Variants in PLXNA4 observed in about 807,000 individuals in gnomAD.
PLXNA4 encodes plexin A4.
Under a neutral mutation model 191.8 loss-of-function variants are expected in PLXNA4, and 44 were observed. That is an observed-to-expected ratio of 0.23 (90% confidence interval 0.18 to 0.29). The LOEUF is 0.29. PLXNA4 is among the 10% of genes least tolerant of loss of function. The pLI is 1.00. For synonymous variants in PLXNA4, 1,082 were observed against 1,009.5 expected (o/e 1.07, Z -1.36); for missense variants, 1,800 against 2,488.8 (o/e 0.72, Z 5.89).
chr7:132,576,273 GGATCTGTGTGTGT>G lies in PLXNA4; in HGVS notation c.-87+136_-87+148del. 1.9e-6 allele frequency: 1 copy of G among 519,676 alleles called. No individual in the cohort carries two copies. Among genetic ancestry groups the G allele is most frequent in the Non-Finnish European group, 2.5e-6 (1 of 405,960 alleles). The allele number at this position is 519,676 out of a possible 1,614,324, so 32.2% of individuals were successfully genotyped here. The stretch of plus-strand genomic sequence containing the variant: ...GCGCGAGCGCCGTGTGTGCCGGTGT[GGATCTGTGTGTGT>G]GCCTGCGTGTGTGCGTGTGCGTGTG... On this transcript the variant is annotated intron_variant, in intron 1 of 31. Coordinates refer to ENST00000321063, the MANE Select transcript of PLXNA4 (RefSeq NM_020911.2). This position sits in a 1 kb window ranked among gnomAD's most constrained non-coding sequence, Gnocchi z 5.8.
At chr7:132,149,788 A>G (rs1289270906) in intron 25 of PLXNA4, among the ~76,000 whole-genome samples, 4 of 152,220 alleles carry the variant, frequency 2.6e-5, no homozygotes, top group South Asian at 2.1e-4. Flanking sequence ...ATTTCTTCCT[A>G]TGTCTCACAG....
chr7:132,530,438 G>A (rs1799578324), intron 1 of PLXNA4, among the ~76,000 whole-genome samples: 4 of 152,148 alleles, frequency 2.6e-5, no homozygotes, highest in Admixed American at 2.6e-4. Context: ...TTGAAAATGA[G>A]CAAATGACTT....
intron 2 of PLXNA4, among the ~76,000 whole-genome samples, chr7:132,602,718 G>C (rs1000569756): frequency 6.6e-6 from 1 of 152,164 alleles, no homozygotes; most frequent in Non-Finnish European, 1.5e-5. Context: ...AGCGAGGGAA[G>C]AGAGTACAAG....
At chr7:132,223,917 C>T (rs1798228122) in intron 8 of PLXNA4, among the ~76,000 whole-genome samples, 1 of 152,052 alleles carries the variant, frequency 6.6e-6, no homozygotes, top group Non-Finnish European at 1.5e-5. Context: ...ATAACATCCT[C>T]CTTTTCAAAA....
At chr7:132,286,746 C>T (rs912315999) in intron 4 of PLXNA4, among the ~76,000 whole-genome samples, 1 of 152,208 alleles carries the variant, frequency 6.6e-6, no homozygotes, top group Non-Finnish European at 1.5e-5. Flanking sequence ...AGGTTGGACT[C>T]AAATGGATTC....
chr7:132,399,379 C>T (rs1793893169), intron 3 of PLXNA4, among the ~76,000 whole-genome samples: 1 of 152,168 alleles, frequency 6.6e-6, no homozygotes, highest in East Asian at 1.9e-4. Flanking sequence ...TATTTTGTGC[C>T]AAGCACTGTT....
chr7:132,385,414 A>T, intron 3 of PLXNA4: 1 of 1,356,702 alleles, frequency 7.4e-7, no homozygotes, highest in Non-Finnish European at 9.7e-7. Flanking sequence ...TCTGAAATAC[A>T]GTAAATATGT....
intron 3 of PLXNA4, chr7:132,384,540 T>C: frequency 1.0e-6 from 1 of 986,452 alleles, no homozygotes; most frequent in Non-Finnish European, 1.2e-6. Flanking sequence ...ACCAATTAAC[T>C]TTTTTTGGGT....
chr7:132,137,389 T>C (rs1481390141), intron 30 of PLXNA4, among the ~76,000 whole-genome samples: 4 of 141,944 alleles, frequency 2.8e-5, no homozygotes, highest in East Asian at 1.9e-4. Context: ...TTTCAACTCT[T>C]CCAAGTTAAA....
At chr7:132,214,408 T>A (rs963666494) in intron 9 of PLXNA4, among the ~76,000 whole-genome samples, 1 of 152,162 alleles carries the variant, frequency 6.6e-6, no homozygotes, top group Non-Finnish European at 1.5e-5. Flanking sequence ...TAATAATAAC[T>A]GGAGAGGCCC....
In PLXNA4 at chr7:132,226,211, C is replaced by A; in HGVS notation, c.1932G>T (p.Met644Ile). Residue 644 changes from methionine to isoleucine, a missense_variant, in exon 8 of 32, where the codon ATG becomes ATT. This residue lies in a region of PLXNA4 where 1,397 missense variants were observed against 1,880.4 expected (regional missense o/e 0.74). Transcript: ENST00000321063. ...QLQLKSKETG[M>I]TFASTSFVFY... ...AGACAAAGCTGGTGCTGGCGAAGGT[C>A]ATGCCGGTCTCCTTTGATTTGAGCT... 2 of 1,613,960 alleles carry A rather than the reference C, an allele frequency of 1.2e-6. No individual in the cohort carries two copies. Among genetic ancestry groups the A allele is most frequent in the South Asian group, 2.2e-5 (2 of 91,044 alleles).
At position 132,508,846 on chromosome 7, in the gene PLXNA4, C is replaced by A. The variant is rs1419020338; in HGVS notation, c.-86-67G>T. The stretch of plus-strand genomic sequence containing the variant: ...GGCTTCATTTCACCCCACAGCTTGT[C>A]TGCCTGGACTTTCAAAATGTTCTGC... On this transcript the variant is annotated intron_variant, in intron 1 of 31. Transcript: ENST00000321063. This position sits in a 1 kb window ranked among gnomAD's most constrained non-coding sequence, Gnocchi z 4.4. 7.3e-7 allele frequency: 1 copy of A among 1,374,322 alleles called. No individual in the cohort carries two copies. The highest frequency in any genetic ancestry group is 2.9e-5 in the Admixed American group (1 of 34,552). 85.1% of individuals were successfully genotyped at this position (1,374,322 alleles called of 1,614,324 possible). A position where few individuals can be genotyped will look rare whatever the true frequency, so the allele number is the denominator to read the frequency against.
intron 4 of PLXNA4, among the ~76,000 whole-genome samples, chr7:132,268,006 T>C (rs1051188812): frequency 6.6e-6 from 1 of 152,196 alleles, no homozygotes; most frequent in Non-Finnish European, 1.5e-5. Context: ...GATTAGTTGG[T>C]TAATTGAATA....
intron 20 of PLXNA4, among the ~76,000 whole-genome samples, chr7:132,176,240 TCCCTGCAC>T (rs1002823659): frequency 4.6e-5 from 7 of 152,182 alleles, no homozygotes; most frequent in African/African-American, 1.4e-4. Flanking sequence ...TGCTCCTCTC[TCCCTGCAC>T]CCCTGCACCT....
chr7:132,321,688 A>G (rs759634464), intron 3 of PLXNA4, among the ~76,000 whole-genome samples: 32 of 152,216 alleles, frequency 2.1e-4, no homozygotes, highest in Admixed American at 3.9e-4. Context: ...ACGTGGACAC[A>G]TGTTAGAGTC....
intron 26 of PLXNA4, 92 bp downstream of exon 26, chr7:132,148,451 C>A: frequency 6.5e-7 from 1 of 1,544,558 alleles, no homozygotes; most frequent in South Asian, 1.2e-5. Flanking sequence ...TGGTGAGGGG[C>A]TTGGTGTCTA....
chr7:132,409,933 C>T (rs1466809891), intron 3 of PLXNA4, among the ~76,000 whole-genome samples: 1 of 152,248 alleles, frequency 6.6e-6, no homozygotes, highest in Non-Finnish European at 1.5e-5. Context: ...CCAGACTCTT[C>T]ACCCAGCATT....
chr7:132,630,142 A>G (rs1433599318), intron 2 of PLXNA4, among the ~76,000 whole-genome samples: 3 of 151,996 alleles, frequency 2.0e-5, no homozygotes, highest in African/African-American at 7.2e-5. Flanking sequence ...GAGCCACCTC[A>G]CCCGGCCTGG....
At chr7:132,206,964 T>C (rs961551543) in intron 10 of PLXNA4, among the ~76,000 whole-genome samples, 2 of 152,180 alleles carry the variant, frequency 1.3e-5, no homozygotes, top group Non-Finnish European at 2.9e-5. Flanking sequence ...GGCTAATGGA[T>C]GACTTTCCCC....
Sources: allele counts gnomAD v4.1 joint callset (sites outside exome capture counted in the v4.1 genomes callset), GRCh38; gene constraint gnomAD v4.1.1; regional missense constraint gnomAD v4.1.1; non-coding constraint Gnocchi (gnomAD v3.1); transcripts MANE v1.5; gene names NCBI Gene and HGNC (gene_info 2026-07-23, HGNC 2026-07-21).